Variants in PCDH11X observed in about 807,000 individuals in gnomAD.
PCDH11X encodes protocadherin-11 X-linked.
Under a neutral mutation model 53.3 loss-of-function variants are expected in PCDH11X, and 18 were observed. That is an observed-to-expected ratio of 0.34 (90% CI 0.23 to 0.50). The LOEUF (loss-of-function observed/expected upper bound fraction) is 0.50, where lower values mean the gene tolerates loss of function less well. PCDH11X is among the 20% of genes least tolerant of loss of function. PCDH11X has a pLI of 0.98. For missense variants in PCDH11X, 570 were observed against 1,032.4 expected, an observed-to-expected ratio of 0.55 and a Z score of 6.14; for synonymous variants, 279 against 393.3, an observed-to-expected ratio of 0.71 and a Z score of 3.44.
At chrX:92,227,365 C>T (rs1309965380) in intron 7 of PCDH11X, among the ~76,000 whole-genome samples, 3 of 110,899 alleles carry the variant, frequency 2.7e-5, no homozygotes, top group Admixed American at 1.9e-4. Flanking sequence ...ACGTTCTAGT[C>T]ATTAATATCC....
At chrX:91,831,559 C>T (rs1389089670) in intron 4 of PCDH11X, among the ~76,000 whole-genome samples, 1 of 108,329 alleles carries the variant, frequency 9.2e-6, no homozygotes, top group Non-Finnish European at 1.9e-5. Flanking sequence ...AATTTCTGTA[C>T]TGTTCATTCA....
At chrX:91,965,109 G>T (rs111541063) in intron 6 of PCDH11X, among the ~76,000 whole-genome samples, 1,952 of 111,151 alleles carry the variant, frequency 0.018, 39 homozygotes, top group African/African-American at 0.06. Flanking sequence ...TAAAAGAACA[G>T]AGGATAAACT....
In PCDH11X at chrX:92,619,012, T is replaced by C; in HGVS notation, c.*72T>C. The C allele has an allele frequency of 1.3e-5, 13 of 1,000,166 alleles. No individual in the cohort carries two copies. The highest frequency in any genetic ancestry group is 1.8e-5 in the Non-Finnish European group (13 of 712,665). 82.4% of individuals were successfully genotyped at this position (1,000,166 alleles called of 1,213,427 possible). ...AAATTTAAGATACAATTCCAATGAG[T>C]ATTCTGATTATCAGATTTGTAAATA... is the stretch of plus-strand genomic sequence containing the variant. On this transcript the variant is annotated 3_prime_UTR_variant, in exon 11 of 11. Transcript: ENST00000682573.
chrX:91,981,014 T>C lies in PCDH11X; in HGVS notation c.3033+101741T>C, dbSNP rs147704436. ...TATATATACACTGAATATATATATA[T>C]ACACTGAATATATATATATATACAC... On this transcript the variant is annotated intron_variant, in intron 6 of 10. Coordinates refer to ENST00000682573, the MANE Select transcript of PCDH11X (RefSeq NM_032968.5). Among the ~76,000 whole-genome samples, 908 of 100,072 alleles carry C rather than the reference T, an allele frequency of 9.1e-3. 17 individuals carry two copies. The highest frequency in any genetic ancestry group is 0.032 in the African/African-American group (862 of 27,334). 86.9% of individuals were successfully genotyped at this position (100,072 alleles called of 115,157 possible).
intron 6 of PCDH11X, among the ~76,000 whole-genome samples, chrX:92,117,436 CAAAA>C (rs10628988): frequency 1.1e-5 from 1 of 95,230 alleles, no homozygotes. Flanking sequence ...AACTCTGTCT[CAAAA>C]AAAAAAAAAG....
At chrX:91,898,140 G>A (rs1242614892) in intron 6 of PCDH11X, among the ~76,000 whole-genome samples, 1 of 110,432 alleles carries the variant, frequency 9.1e-6, no homozygotes, top group Non-Finnish European at 1.9e-5. Flanking sequence ...ACAGCATAAA[G>A]GAGTCAATAA....
At chrX:92,267,477 C>A (rs1198439845) in intron 8 of PCDH11X, among the ~76,000 whole-genome samples, 1 of 112,333 alleles carries the variant, frequency 8.9e-6, no homozygotes, top group African/African-American at 3.2e-5. Context: ...ATTGGCCAGA[C>A]TACTGACATT....
At chrX:92,188,233 C>G (rs1030838328) in intron 6 of PCDH11X, among the ~76,000 whole-genome samples, 1 of 111,298 alleles carries the variant, frequency 9.0e-6, no homozygotes, top group Non-Finnish European at 1.9e-5. Flanking sequence ...GCTCTTTTCT[C>G]GCTCCAGCCT....
At chrX:91,903,283 A>G (rs1172567280) in intron 6 of PCDH11X, among the ~76,000 whole-genome samples, 1 of 111,597 alleles carries the variant, frequency 9.0e-6, no homozygotes, top group Non-Finnish European at 1.9e-5. Context: ...CACTCAAGTC[A>G]GCTTCCACAT....
intron 10 of PCDH11X, among the ~76,000 whole-genome samples, chrX:92,608,281 A>G (rs1272769106): frequency 2.0e-5 from 2 of 99,767 alleles, no homozygotes; most frequent in East Asian, 3.0e-4. Context: ...GAAATTAACT[A>G]GTGGTTGCAA....
intron 6 of PCDH11X, among the ~76,000 whole-genome samples, chrX:92,116,590 CTAT>C (rs2064642812): frequency 9.0e-6 from 1 of 111,562 alleles, no homozygotes; most frequent in Non-Finnish European, 1.9e-5. Context: ...ATTTATTTAT[CTAT>C]TATTATTTTT....
rs772400741 is a variant in PCDH11X at position 92,366,762 on chromosome X, T to C, written c.3145-20973T>C. 2.8e-3 allele frequency among the ~76,000 whole-genome samples: 292 copies of C among 103,409 alleles called. 2 individuals carry two copies. Among genetic ancestry groups the C allele is most frequent in the African/African-American group, 0.01 (290 of 28,174 alleles). 89.8% of individuals were successfully genotyped at this position (103,409 alleles called of 115,157 possible). A position where few individuals can be genotyped will look rare whatever the true frequency, so the allele number is the denominator to read the frequency against. ...AATTTTGTTATTTACCCAATAATCA[T>C]TCAGGAGCAGGTTGTTCAATTTCCA... is the stretch of plus-strand genomic sequence containing the variant. On this transcript the variant is annotated intron_variant, in intron 8 of 10. Transcript: ENST00000682573.
At chrX:91,950,239 C>T (rs5941032) in intron 6 of PCDH11X, among the ~76,000 whole-genome samples, 20,096 of 104,893 alleles carry the variant, frequency 0.19, 2,149 homozygotes, top group Admixed American at 0.47. Flanking sequence ...GATTTTAGTG[C>T]ACCCATCACC....
intron 6 of PCDH11X, among the ~76,000 whole-genome samples, chrX:92,105,293 C>A (rs774065476): frequency 4.5e-4 from 50 of 111,012 alleles, no homozygotes; most frequent in Non-Finnish European, 8.1e-4. Context: ...GGCCTCTTAC[C>A]GGATTTGAAA....
chrX:92,100,485 C>A (rs1157818364), intron 6 of PCDH11X, among the ~76,000 whole-genome samples: 1 of 110,108 alleles, frequency 9.1e-6, no homozygotes, highest in Non-Finnish European at 1.9e-5. Context: ...CAGGATGAGC[C>A]AGGAAAAGGA....
intron 6 of PCDH11X, among the ~76,000 whole-genome samples, chrX:92,004,474 G>T (rs1486121702): frequency 9.0e-6 from 1 of 111,051 alleles, no homozygotes. Flanking sequence ...CAATGCTGAA[G>T]GTCTGGTGGT....
intron 8 of PCDH11X, among the ~76,000 whole-genome samples, chrX:92,273,486 G>A (rs1268536468): frequency 9.0e-6 from 1 of 111,178 alleles, no homozygotes; most frequent in Non-Finnish European, 1.9e-5. Context: ...CAGGGGATGT[G>A]ATGGCTTGGC....
intron 5 of PCDH11X, among the ~76,000 whole-genome samples, chrX:91,874,028 C>T (rs1317181365): frequency 9.0e-6 from 1 of 110,897 alleles, no homozygotes; most frequent in Non-Finnish European, 1.9e-5. Flanking sequence ...ATGACCTTGG[C>T]ATCTAGGAGA....
At chrX:92,135,757 TTGTG>T (rs575523392) in intron 6 of PCDH11X, among the ~76,000 whole-genome samples, 3,247 of 100,152 alleles carry the variant, frequency 0.032, 147 homozygotes, top group African/African-American at 0.11. Flanking sequence ...GTGTGCATGT[TTGTG>T]TGTGTGTGTG....
Sources: gnomAD v4.1 joint callset for allele counts (sites outside exome capture counted in the v4.1 genomes callset) on GRCh38, gnomAD v4.1.1 for gene constraint, MANE v1.5 for transcripts, NCBI Gene and HGNC (gene_info 2026-07-23, HGNC 2026-07-21) for gene names.